The following DAAM2 variants were observed in gnomAD, a reference collection of about 807,000 sequenced individuals.
DAAM2 encodes dishevelled associated activator of morphogenesis 2.
Under a neutral mutation model 120.7 loss-of-function variants are expected in DAAM2, and 39 were observed. The ratio of observed to expected loss-of-function variants is 0.32; its 90% CI spans 0.25 to 0.42. The LOEUF (loss-of-function observed/expected upper bound fraction) is 0.42. Among genes scored for constraint, DAAM2 ranks in the 10% least tolerant of loss-of-function variants. The probability of loss-of-function intolerance (pLI) is 1.00; values close to 1 mark genes in which losing one functional copy is unlikely to be tolerated. For missense variants in DAAM2, 1,283 were observed against 1,401.7 expected (o/e 0.92, Z 1.35); for synonymous variants, 488 against 524.9 (o/e 0.93, Z 0.96).
At chr6:39,828,112 G>A (rs147781398) in intron 1 of DAAM2, among the ~76,000 whole-genome samples, 118 of 152,266 alleles carry the variant, frequency 7.7e-4, no homozygotes, top group African/African-American at 2.6e-3. Flanking sequence ...TCTGACTCTC[G>A]CTAGACTATT....
chr6:39,804,093 C>CT (rs1761942018), intron 1 of DAAM2, among the ~76,000 whole-genome samples: 1 of 152,172 alleles, frequency 6.6e-6, no homozygotes, highest in African/African-American at 2.4e-5. Flanking sequence ...AGAGCACTGT[C>CT]TGTCTGGAGT....
chr6:39,819,860 A>T (rs1448061474), intron 1 of DAAM2: 1 of 152,244 alleles, frequency 6.6e-6, no homozygotes, highest in African/African-American at 2.4e-5. Context: ...AATCCCGTTC[A>T]GGGGAGCTCC....
At chr6:39,817,955 G>A (rs919378860) in intron 1 of DAAM2, among the ~76,000 whole-genome samples, 3 of 152,014 alleles carry the variant, frequency 2.0e-5, no homozygotes, top group Non-Finnish European at 4.4e-5. Context: ...GAGGTGGGTG[G>A]ATCACCTGAG....
chr6:39,803,284 G>A (rs115684682), intron 1 of DAAM2, among the ~76,000 whole-genome samples: 74 of 152,318 alleles, frequency 4.9e-4, no homozygotes, highest in African/African-American at 1.5e-3. Flanking sequence ...GTTGTGCCAT[G>A]TTTTGCATAT....
intron 1 of DAAM2, among the ~76,000 whole-genome samples, chr6:39,847,824 C>G (rs540378082): frequency 1.5e-4 from 23 of 152,272 alleles, no homozygotes; most frequent in African/African-American, 5.3e-4. Flanking sequence ...AATGTCTCTT[C>G]TAATCTCAGA....
intron 20 of DAAM2, 74 bp downstream of exon 20, chr6:39,897,054 A>T (rs1031421770): frequency 9.7e-6 from 15 of 1,543,866 alleles, no homozygotes; most frequent in Non-Finnish European, 1.2e-5. Context: ...TCCTCCCTCT[A>T]TTAGGACGGG....
At chr6:39,873,571 C>G (rs745374261) in intron 10 of DAAM2, among the ~76,000 whole-genome samples, 1 of 152,180 alleles carries the variant, frequency 6.6e-6, no homozygotes. Context: ...GAGCTGGGGA[C>G]TTGGCCCTGA....
chr6:39,886,221 G>A (rs897547275), intron 15 of DAAM2: 8 of 393,098 alleles, frequency 2.0e-5, no homozygotes, highest in South Asian at 2.9e-4. Context: ...TGGCTTCTCC[G>A]TGAGTGCATG....
chr6:39,801,605 C>T (rs1409672454), intron 1 of DAAM2, among the ~76,000 whole-genome samples: 1 of 152,242 alleles, frequency 6.6e-6, no homozygotes, highest in Admixed American at 6.5e-5. Flanking sequence ...AATCTGATTC[C>T]TCCTGATGGG....
chr6:39,862,679 C>T (rs1764258357), intron 3 of DAAM2: 1 of 152,170 alleles, frequency 6.6e-6, no homozygotes, highest in South Asian at 2.1e-4. Flanking sequence ...GTGGCACATG[C>T]CTGTAATCCC....
At chr6:39,887,729 G>A (rs1346825567) in intron 16 of DAAM2, 137 bp downstream of exon 16, 2 of 623,420 alleles carry the variant, frequency 3.2e-6, no homozygotes, top group Non-Finnish European at 2.9e-6. Flanking sequence ...ACTGTCTCTC[G>A]GGAACCTGCC....
At position 39,901,240 on chromosome 6, in the gene DAAM2, C is replaced by T. The variant is rs1766461538; in HGVS notation, c.2812-62C>T. 1.3e-6 allele frequency: 2 copies of T among 1,515,890 alleles called. No individual in the cohort carries two copies. Among genetic ancestry groups the T allele is most frequent in the Non-Finnish European group, 1.8e-6 (2 of 1,106,282 alleles). The allele number at this position is 1,515,890 out of a possible 1,614,324, so 93.9% of individuals were successfully genotyped here. ...GCTCTGGCTAGAACCCAGCTAACCT[C>T]AGGGGCTGAGCCCAGCATGCTCCAG... On this transcript the variant is annotated intron_variant, in intron 23 of 24. Transcript: ENST00000274867. The surrounding 1 kb of genome is among the most constrained non-coding windows in gnomAD (Gnocchi z 4.5).
In DAAM2 at chr6:39,875,425, C is replaced by G; in HGVS notation, c.1258C>G (p.Leu420Val). The G allele has an allele frequency of 6.2e-7, 1 of 1,613,970 alleles. No homozygotes were observed. The highest frequency in any genetic ancestry group is 8.5e-7 in the Non-Finnish European group (1 of 1,179,866). ...GGATGAGCGGGGTGTGGACCCTGAC[C>G]TGGCTCCCTTGGAGAACTTCAATGT... ...LQDERGVDPD[L>V]APLENFNVKN... is the part of the protein sequence containing the mutation. The change falls in exon 11 of 25, where the codon CTG becomes GTG. Residue 420 changes from leucine to valine, a missense_variant. Coordinates refer to ENST00000274867, the MANE Select transcript of DAAM2 (RefSeq NM_001201427.2).
At chr6:39,834,056 T>A (rs1409995089) in intron 1 of DAAM2, among the ~76,000 whole-genome samples, 1 of 152,202 alleles carries the variant, frequency 6.6e-6, no homozygotes, top group Non-Finnish European at 1.5e-5. Flanking sequence ...GACCCCGTCG[T>A]ATGCCTGAGG....
At chr6:39,836,488 G>A (rs138059128) in intron 1 of DAAM2, among the ~76,000 whole-genome samples, 2 of 152,290 alleles carry the variant, frequency 1.3e-5, no homozygotes, top group Non-Finnish European at 2.9e-5. Context: ...AAGACACTGA[G>A]CCCATGACAG....
intron 1 of DAAM2, among the ~76,000 whole-genome samples, chr6:39,813,153 TGTGTGTGTGTGTGC>T (rs1287078827): frequency 1.3e-5 from 2 of 152,054 alleles, no homozygotes; most frequent in South Asian, 2.1e-4. Flanking sequence ...AGATTGTGTG[TGTGTGTGTGTGTGC>T]GTGTGTGTGT....
At position 39,876,956 on chromosome 6, in the gene DAAM2, A is replaced by G. The variant is rs189260662; in HGVS notation, c.1302-1247A>G. 6.9e-4 allele frequency among the ~76,000 whole-genome samples: 105 copies of G among 152,276 alleles called. 1 individual carries two copies. The highest frequency in any genetic ancestry group is 1.2e-3 in the Non-Finnish European group (84 of 68,008). On this transcript the variant is annotated intron_variant, in intron 11 of 24. Coordinates refer to ENST00000274867, the MANE Select transcript of DAAM2 (RefSeq NM_001201427.2). ...CCCTGCTCTCTTGCCTTTTTGGCAT[A>G]TGGGTAAAGACGTCAGTGTGTTCCT...
At chr6:39,887,642 G>C (rs780880549) in intron 16 of DAAM2, 50 bp downstream of exon 16, 2 of 1,305,696 alleles carry the variant, frequency 1.5e-6, no homozygotes, top group Admixed American at 3.7e-5. Context: ...GACAAAGGGG[G>C]TGGAGGAACG....
rs150268101 is a variant in DAAM2, at chr6:39,833,561, G to C, written c.-56-22686G>C. Among the ~76,000 whole-genome samples, 1,042 of 152,270 alleles carry C rather than the reference G, an allele frequency of 6.8e-3. 10 individuals carry two copies. Among genetic ancestry groups the C allele is most frequent in the African/African-American group, 0.023 (966 of 41,528 alleles). On this transcript the variant is annotated intron_variant, in intron 1 of 24. Coordinates refer to ENST00000274867, the MANE Select transcript of DAAM2 (RefSeq NM_001201427.2). ...GACCTCAAGTGATCCACCTGCTTCA[G>C]CCTCCCAAAGTGCTGAGATTACAGG...
Sources: allele counts gnomAD v4.1 joint callset (sites outside exome capture counted in the v4.1 genomes callset), GRCh38; gene constraint gnomAD v4.1.1; non-coding constraint Gnocchi (gnomAD v3.1); transcripts MANE v1.5; gene names NCBI Gene and HGNC (gene_info 2026-07-23, HGNC 2026-07-21).